WDR59: variants seen among roughly 807,000 people sequenced by gnomAD.
WDR59 encodes GATOR2 complex protein WDR59.
In WDR59, 100 loss-of-function variants were observed where a neutral mutation model predicts 131.2. That is an observed-to-expected ratio of 0.76 (90% CI 0.65 to 0.90). The LOEUF is 0.90. Ranked by LOEUF, WDR59 falls within the 40% of genes least tolerant of loss-of-function variation. The pLI, the probability that WDR59 is intolerant of heterozygous loss-of-function variation, is 0.00. For synonymous variants in WDR59, 601 were observed against 466.2 expected (o/e 1.29, Z -3.72); for missense variants, 1,203 against 1,262.2 (o/e 0.95, Z 0.71).
At chr16:74,898,399 C>T (rs944324895) in intron 18 of WDR59, among the ~76,000 whole-genome samples, 2 of 152,182 alleles carry the variant, frequency 1.3e-5, no homozygotes, top group African/African-American at 4.8e-5. Context: ...AGAAAATGTC[C>T]TGTCCCCACA....
chr16:74,940,836 G>C (rs1046594270), intron 7 of WDR59, among the ~76,000 whole-genome samples: 1 of 152,048 alleles, frequency 6.6e-6, no homozygotes, highest in African/African-American at 2.4e-5. Context: ...CTCCCGAGTA[G>C]CTGGGACTAC....
Position 74,874,131 on chromosome 16 carries a change from C to T in WDR59, c.*78G>A. ...CTGGGGACGAACCCAGGTTCTGGAG[C>T]CTCTCCCCTGACAGACAGCTTGTCA... is the stretch of plus-strand genomic sequence containing the variant. On this transcript the variant is annotated 3_prime_UTR_variant, in exon 26 of 26. Transcript: ENST00000262144. 1 of 1,270,110 alleles carries T rather than the reference C, an allele frequency of 7.9e-7. No individual in the cohort carries two copies. Among genetic ancestry groups the T allele is most frequent in the Admixed American group, 2.1e-5 (1 of 47,912 alleles). 78.7% of individuals were successfully genotyped at this position (1,270,110 alleles called of 1,614,324 possible).
At chr16:74,937,277 G>A (rs191652690) in intron 8 of WDR59, among the ~76,000 whole-genome samples, 1 of 152,326 alleles carries the variant, frequency 6.6e-6, no homozygotes, top group East Asian at 1.9e-4. Context: ...AGCATTTCCT[G>A]TAAGTTAGAG....
intron 25 of WDR59, among the ~76,000 whole-genome samples, chr16:74,883,005 TTTTTTTG>T (rs1964575985): frequency 6.7e-6 from 1 of 148,588 alleles, no homozygotes; most frequent in Non-Finnish European, 1.5e-5. Flanking sequence ...GTTTCTTTCG[TTTTTTTG>T]TTTTTTGCTT....
intron 8 of WDR59, among the ~76,000 whole-genome samples, chr16:74,932,911 G>A (rs573676997): frequency 2.0e-5 from 3 of 152,316 alleles, no homozygotes; most frequent in African/African-American, 4.8e-5. Flanking sequence ...ATGATTGTAA[G>A]AGGATGTGTT....
chr16:74,876,604 A>G (rs983848248), intron 25 of WDR59, among the ~76,000 whole-genome samples: 1 of 152,162 alleles, frequency 6.6e-6, no homozygotes, highest in Non-Finnish European at 1.5e-5. Context: ...ATCCTTATTA[A>G]CTTTAAGACC....
intron 2 of WDR59, 148 bp from the exon 3 acceptor site, chr16:74,956,758 A>G: frequency 7.0e-6 from 7 of 998,242 alleles, no homozygotes; most frequent in Non-Finnish European, 1.0e-5. Flanking sequence ...CTGAAAGGCA[A>G]AGAAGTGACA....
intron 18 of WDR59, chr16:74,899,898 A>C: frequency 1.7e-6 from 1 of 585,926 alleles, no homozygotes; most frequent in Non-Finnish European, 2.6e-6. Flanking sequence ...TGGGATGGGA[A>C]CGACTAAAAA....
chr16:74,933,291 G>C (rs1033218893), intron 8 of WDR59, among the ~76,000 whole-genome samples: 2 of 152,130 alleles, frequency 1.3e-5, no homozygotes, highest in Non-Finnish European at 2.9e-5. Flanking sequence ...GACACAGTGA[G>C]ATCCTGTCTC....
chr16:74,948,533 G>A lies in WDR59; in HGVS notation c.431C>T (p.Ala144Val). Reference sequence around the variant, plus strand: ...CATACACTCACCAACAGCAGACAGTGCAACAGTAGGTTTCCTTGTGTCTCT... The same window carrying A: ...CATACACTCACCAACAGCAGACAGTACAACAGTAGGTTTCCTTGTGTCTCT... ...DIKDTRKPTV[A>V]LSAVAGASQV... Residue 144 changes from alanine (A) to valine (V), a missense_variant, in exon 6 of 26, where the codon GCA becomes GTA. Coordinates refer to ENST00000262144, the MANE Select transcript of WDR59 (RefSeq NM_030581.4). The A allele has an allele frequency of 6.2e-7, 1 of 1,613,842 alleles. No homozygotes were observed. The highest frequency in any genetic ancestry group is 8.5e-7 in the Non-Finnish European group (1 of 1,179,758).
At chr16:74,931,217 A>C (rs2031357551) in intron 8 of WDR59, among the ~76,000 whole-genome samples, 1 of 152,152 alleles carries the variant, frequency 6.6e-6, no homozygotes, top group African/African-American at 2.4e-5. Flanking sequence ...AACTATTTAT[A>C]TGAATTACAG....
In WDR59 at chr16:74,916,005, A is replaced by G; in HGVS notation, c.1100-11T>C. The G allele has an allele frequency of 6.2e-7, 1 of 1,614,110 alleles. No individual in the cohort carries two copies. The highest frequency in any genetic ancestry group is 8.5e-7 in the Non-Finnish European group (1 of 1,180,006). Reference sequence around the variant, plus strand: ...GATCTTCTTTTAGGGCTAGCAGGAGAGAGAAGTTCAATGTTGGAAAGCATT... The same window carrying G: ...GATCTTCTTTTAGGGCTAGCAGGAGGGAGAAGTTCAATGTTGGAAAGCATT... On this transcript the variant is annotated splice_polypyrimidine_tract_variant and intron_variant, in intron 12 of 25. Transcript: ENST00000262144.
intron 2 of WDR59, among the ~76,000 whole-genome samples, chr16:74,964,698 T>G (rs949702900): frequency 6.6e-6 from 1 of 152,076 alleles, no homozygotes; most frequent in African/African-American, 2.4e-5. Flanking sequence ...CAGTGGATCC[T>G]AGAGGTAAGG....
chr16:74,901,619 G>C (rs76205235), intron 18 of WDR59, among the ~76,000 whole-genome samples: 4,337 of 151,406 alleles, frequency 0.029, 97 homozygotes, highest in South Asian at 0.065. Context: ...CTCTAGCCTG[G>C]GCAATGGGCA....
chr16:74,889,807 C>T lies in WDR59; in HGVS notation c.2091G>A (p.Ser697=), dbSNP rs764576917. Residue 697 remains serine (S), a synonymous_variant, in exon 21 of 26, where the codon TCG becomes TCA. Transcript: ENST00000262144. ...AAAGATCTGTAGCTACCGTAGCCAGCGACCAAACCTGGACAGATCAAAGAG... is the reference window on the plus strand; with the variant it reads ...AAAGATCTGTAGCTACCGTAGCCAGTGACCAAACCTGGACAGATCAAAGAG... The part of the protein sequence containing the change: ...VGRKDLVQVW[S]LATVATDLCL... 38 of 1,613,450 alleles carry T rather than the reference C, an allele frequency of 2.4e-5. No individual in the cohort carries two copies. The highest frequency in any genetic ancestry group is 1.6e-4 in the Middle Eastern group (1 of 6,084).
At chr16:74,905,328 T>C (rs929488696) in intron 17 of WDR59, among the ~76,000 whole-genome samples, 5 of 151,044 alleles carry the variant, frequency 3.3e-5, no homozygotes, top group Non-Finnish European at 5.9e-5. Flanking sequence ...TGAGCTGAGA[T>C]TGCGCCATTG....
At chr16:74,885,401 TCACGCCACTGCA>T (rs1303056742) in intron 25 of WDR59, among the ~76,000 whole-genome samples, 1 of 117,606 alleles carries the variant, frequency 8.5e-6, no homozygotes, top group Non-Finnish European at 1.6e-5. Context: ...TGAGCTGAGA[TCACGCCACTGCA>T]CTCCAGCCTG....
Position 74,925,436 on chromosome 16 carries a change from C to G in WDR59, c.652-1433G>C, listed in dbSNP as rs185066642. On this transcript the variant is annotated intron_variant, in intron 8 of 25. Coordinates refer to ENST00000262144, the MANE Select transcript of WDR59 (RefSeq NM_030581.4). ...GCACACACTTGTAGTCCCAGCTACT[C>G]AGGAGGCTGAGGCACAAGAATTGCT... Among the ~76,000 whole-genome samples, 231 of 150,890 alleles carry G rather than the reference C, an allele frequency of 1.5e-3. 1 individual carries two copies. The highest frequency in any genetic ancestry group is 3.4e-3 in the Admixed American group (51 of 15,000).
rs140747207 is a variant in WDR59 at position 74,909,352 on chromosome 16, C to A, written c.1642+149G>T. 154 of 1,040,508 alleles carry A rather than the reference C, an allele frequency of 1.5e-4. 1 individual carries two copies. In the East Asian group the frequency reaches 4.0e-3, roughly 27 times the overall value. 64.5% of individuals were successfully genotyped at this position (1,040,508 alleles called of 1,614,324 possible). ...ATAAGTCCACAGACACCGACTGGGC[C>A]TCAGACCCTACCACGCTACCATGAA... On this transcript the variant is annotated intron_variant, in intron 16 of 25. Transcript: ENST00000262144.
Sources: gnomAD v4.1 joint callset for allele counts (sites outside exome capture counted in the v4.1 genomes callset) on GRCh38, gnomAD v4.1.1 for gene constraint, MANE v1.5 for transcripts, NCBI Gene and HGNC (gene_info 2026-07-23, HGNC 2026-07-21) for gene names.